Variants in ZNF385D observed in about 807,000 individuals in gnomAD.
ZNF385D encodes the protein zinc finger protein 659.
ZNF385D carries 15 observed loss-of-function variants against 35.8 expected under a neutral mutation model. The ratio of observed to expected loss-of-function variants is 0.42; its 90% CI spans 0.28 to 0.64. ZNF385D has a LOEUF of 0.64. Ranked by LOEUF, ZNF385D falls within the 30% of genes least tolerant of loss-of-function variation. ZNF385D has a pLI of 0.23. For missense variants in ZNF385D, 474 were observed against 494.6 expected (o/e 0.96, Z 0.39); for synonymous variants, 212 against 186.8 (o/e 1.13, Z -1.10).
intron 3 of ZNF385D, among the ~76,000 whole-genome samples, chr3:21,932,850 T>A (rs1482660855): frequency 6.6e-6 from 1 of 152,202 alleles, no homozygotes; most frequent in Non-Finnish European, 1.5e-5. Context: ...GCTATTTTCA[T>A]GGTTAGAATT....
upstream of ZNF385D, among the ~76,000 whole-genome samples, chr3:21,753,792 TG>T (rs774796919): frequency 6.8e-6 from 1 of 147,368 alleles, no homozygotes; most frequent in Non-Finnish European, 1.5e-5. Context: ...GTTGTTGTTG[TG>T]TGTGTGTGTG....
intron 2 of ZNF385D, among the ~76,000 whole-genome samples, chr3:22,194,489 A>C (rs9820615): frequency 1.5e-4 from 22 of 151,682 alleles, no homozygotes; most frequent in African/African-American, 4.8e-4. Flanking sequence ...TTTTCCATTT[A>C]TATCTTTCTT....
At position 21,919,025 on chromosome 3, in the gene ZNF385D, G is replaced by A. The variant is rs573275945; in HGVS notation, c.325+249792C>T. On this transcript the variant is annotated intron_variant, in intron 3 of 5. Coordinates refer to the ZNF385D transcript ENST00000494108. ...AAATCTCTTTACTTGCTATCAGATTGTTTCATAATGCATTAAATAGTATCG... is the reference window on the plus strand; with the variant it reads ...AAATCTCTTTACTTGCTATCAGATTATTTCATAATGCATTAAATAGTATCG... 3.9e-5 allele frequency among the ~76,000 whole-genome samples: 6 copies of A among 152,224 alleles called. No individual in the cohort carries two copies. In the East Asian group the frequency reaches 1.2e-3, roughly 29 times the overall value.
chr3:22,271,817 T>C (rs1294375540), intron 2 of ZNF385D, among the ~76,000 whole-genome samples: 1 of 152,002 alleles, frequency 6.6e-6, no homozygotes, highest in Non-Finnish European at 1.5e-5. Context: ...TTTTCTATCT[T>C]ATTTTTTACC....
At chr3:21,776,503 T>C (rs1425916594) in intron 3 of ZNF385D, among the ~76,000 whole-genome samples, 2 of 151,962 alleles carry the variant, frequency 1.3e-5, no homozygotes, top group Admixed American at 6.6e-5. Context: ...ATTCTGTCAT[T>C]ATTTGTATTT....
intron 3 of ZNF385D, among the ~76,000 whole-genome samples, chr3:22,163,728 C>G (rs776410227): frequency 6.6e-6 from 1 of 152,126 alleles, no homozygotes; most frequent in South Asian, 2.1e-4. Flanking sequence ...GTAAAAATCT[C>G]TATTGTTATT....
chr3:21,964,853 ATTC>A (rs1241572745), intron 3 of ZNF385D, among the ~76,000 whole-genome samples: 1 of 152,016 alleles, frequency 6.6e-6, no homozygotes, highest in African/African-American at 2.4e-5. Context: ...AATAATTTCT[ATTC>A]TTATTATAAA....
intron 1 of ZNF385D, among the ~76,000 whole-genome samples, chr3:21,666,121 G>C (rs370912667): frequency 6.6e-6 from 1 of 152,294 alleles, no homozygotes; most frequent in East Asian, 1.9e-4. Context: ...GAGTCTCCTC[G>C]TATAAATTGC....
intron 2 of ZNF385D, among the ~76,000 whole-genome samples, chr3:21,656,048 G>A (rs746116831): frequency 6.6e-6 from 1 of 151,898 alleles, no homozygotes; most frequent in Non-Finnish European, 1.5e-5. Flanking sequence ...AGGGTAGGGG[G>A]TGCTAAACTA....
chr3:21,514,437 C>G (rs897709775), intron 3 of ZNF385D, among the ~76,000 whole-genome samples: 2 of 152,054 alleles, frequency 1.3e-5, no homozygotes, highest in African/African-American at 4.8e-5. Context: ...TTAAGTTTAG[C>G]CTAAAGCTAC....
chr3:21,523,011 T>C (rs74525567), intron 3 of ZNF385D, among the ~76,000 whole-genome samples: 243 of 152,302 alleles, frequency 1.6e-3, no homozygotes, highest in Non-Finnish European at 3.0e-3. Context: ...AAGAGTTTAG[T>C]GTGTCATAAA....
At chr3:21,751,433 T>C (rs1013062927), upstream of ZNF385D, 5 of 991,502 alleles carry the variant, frequency 5.0e-6, no homozygotes, top group East Asian at 1.1e-4. Context: ...AATTCACCAC[T>C]GTGCAGGAGG....
intron 5 of ZNF385D, among the ~76,000 whole-genome samples, chr3:21,428,065 A>T (rs1701102481): frequency 6.6e-6 from 1 of 152,144 alleles, no homozygotes; most frequent in Non-Finnish European, 1.5e-5. Context: ...TAACTATTAG[A>T]TAGTTTTATA....
intron 3 of ZNF385D, among the ~76,000 whole-genome samples, chr3:21,944,031 G>C (rs1384799518): frequency 6.6e-6 from 1 of 152,116 alleles, no homozygotes; most frequent in African/African-American, 2.4e-5. Flanking sequence ...CTAAGTCTAT[G>C]ATTAAGAAAA....
At chr3:22,031,213 G>C (rs80190016) in intron 3 of ZNF385D, among the ~76,000 whole-genome samples, 12,945 of 152,238 alleles carry the variant, frequency 0.085, 582 homozygotes, top group East Asian at 0.16. Flanking sequence ...TCTGAAGAAT[G>C]GTAGCCCTTT....
chr3:21,856,589 A>T (rs1218485195), intron 3 of ZNF385D, among the ~76,000 whole-genome samples: 1 of 151,892 alleles, frequency 6.6e-6, no homozygotes, highest in African/African-American at 2.4e-5. Context: ...TTTTTCATAT[A>T]AACTAGTAGG....
At chr3:21,624,516 C>A (rs906030099) in intron 2 of ZNF385D, among the ~76,000 whole-genome samples, 1 of 152,026 alleles carries the variant, frequency 6.6e-6, no homozygotes, top group Non-Finnish European at 1.5e-5. Context: ...TGACAGAAAT[C>A]TGAAAAATAA....
At chr3:21,966,377 A>G (rs534500060) in intron 3 of ZNF385D, among the ~76,000 whole-genome samples, 1 of 152,362 alleles carries the variant, frequency 6.6e-6, no homozygotes, top group African/African-American at 2.4e-5. Flanking sequence ...ATTTCCTACC[A>G]TACCTGAAAG....
chr3:21,750,879 C>T lies in ZNF385D; in HGVS notation c.22+16G>A. ...CCGGACACCCCCAGAATTACATCAT[C>T]AGAGTGAACACTCACCAAAATACAT... On this transcript the variant is annotated intron_variant, in intron 1 of 7. Transcript: ENST00000281523. 6.2e-7 allele frequency: 1 copy of T among 1,614,126 alleles called. No homozygotes were observed. The highest frequency in any genetic ancestry group is 8.5e-7 in the Non-Finnish European group (1 of 1,179,986).
Sources: gnomAD v4.1 joint callset for allele counts (sites outside exome capture counted in the v4.1 genomes callset) on GRCh38, gnomAD v4.1.1 for gene constraint, MANE v1.5 for transcripts, NCBI Gene and HGNC (gene_info 2026-07-23, HGNC 2026-07-21) for gene names.